Variants in GAL3ST2 observed in about 807,000 individuals in gnomAD.
The protein encoded by GAL3ST2 is galactose-3-O-sulfotransferase 2.
A neutral mutation model predicts 12.9 loss-of-function variants in GAL3ST2; 16 were observed. That is an observed-to-expected ratio of 1.24 (90% CI 0.84 to 1.88). The LOEUF is 1.88. Ranked by LOEUF, GAL3ST2 falls within the 40% of genes most tolerant of loss-of-function variation. The pLI, the probability that GAL3ST2 is intolerant of heterozygous loss-of-function variation, is 0.00. For missense variants in GAL3ST2, 639 were observed against 571.8 expected (o/e 1.12, Z -1.20); for synonymous variants, 302 against 273.9 (o/e 1.10, Z -1.01).
Position 241,803,598 on chromosome 2 carries a change from T to TGC in GAL3ST2, c.638_639dup (p.Ile214AlafsTer158). 6.4e-7 allele frequency: 1 copy of TGC among 1,573,840 alleles called. No homozygotes were observed. The highest frequency in any genetic ancestry group is 2.3e-5 in the East Asian group (1 of 42,846). On this transcript the variant is annotated frameshift_variant, in exon 4 of 4. Transcript: ENST00000192314. LOFTEE classifies it low-confidence loss of function (END_TRUNC). Reference sequence around the variant, plus strand: ...AACGCGCAGTGCGAGGAGGGCTACGTGCGCGCGCGCATCGCCGAGGTGGAG... The same window carrying TGC: ...AACGCGCAGTGCGAGGAGGGCTACGTGCGCGCGCGCGCATCGCCGAGGTGGAG...
chr2:241,797,524 G>A (rs575298042), intron 1 of GAL3ST2, among the ~76,000 whole-genome samples: 11 of 152,190 alleles, frequency 7.2e-5, no homozygotes, highest in East Asian at 3.9e-4. Flanking sequence ...CCGGGCCAGC[G>A]TGTGGGAGTG....
Position 241,793,326 on chromosome 2 carries a change from G to C in GAL3ST2, c.30-5739G>C, listed in dbSNP as rs943216135. On this transcript the variant is annotated intron_variant, in intron 1 of 3. Coordinates refer to ENST00000192314, the MANE Select transcript of GAL3ST2 (RefSeq NM_022134.3). The surrounding 1 kb of genome is among the most constrained non-coding windows in gnomAD (Gnocchi z 4.7). ...GGGGGATGTGTGTGTCCGTGTGTGT[G>C]TATGTGTATGTATCTGTATGTATGT... Among the ~76,000 whole-genome samples the C allele has an allele frequency of 6.6e-6, 1 of 151,906 alleles. No homozygotes were observed. Among genetic ancestry groups the C allele is most frequent in the Admixed American group, 6.6e-5 (1 of 15,130 alleles).
chr2:241,779,986 C>CA (rs375396600), intron 1 of GAL3ST2, among the ~76,000 whole-genome samples: 7,384 of 122,806 alleles, frequency 0.06, 218 homozygotes, highest in African/African-American at 0.083. Context: ...AATCCCGTCT[C>CA]AAAAAAAAAA....
intron 1 of GAL3ST2, among the ~76,000 whole-genome samples, chr2:241,787,896 C>T (rs1412503982): frequency 2.0e-5 from 3 of 152,048 alleles, no homozygotes; most frequent in East Asian, 1.9e-4. Flanking sequence ...TGGTCAAATC[C>T]GAGTGAGAAT....
At chr2:241,799,557 C>T (rs1302815916) in intron 2 of GAL3ST2, among the ~76,000 whole-genome samples, 6 of 152,226 alleles carry the variant, frequency 3.9e-5, no homozygotes, top group African/African-American at 1.2e-4. Flanking sequence ...GGGACCCTCT[C>T]CCCTGCCTGC....
At position 241,803,363 on chromosome 2, in the gene GAL3ST2, A is replaced by C. The variant is rs1699881474; in HGVS notation, c.394A>C (p.Asn132His). The change falls in exon 4 of 4, where the codon AAC becomes CAC. Residue 132 changes from asparagine (N) to histidine (H), a missense_variant. By Grantham distance (68) the Asn-to-His change is moderately conservative. Transcript: ENST00000192314. ...NLPQVQKVMP[N>H]DTFYFSILRN... Reference sequence around the variant, plus strand: ...CACACAGGTGCAGAAAGTCATGCCCAACGACACCTTCTACTTCTCCATCCT... The same window carrying C: ...CACACAGGTGCAGAAAGTCATGCCCCACGACACCTTCTACTTCTCCATCCT... 6.2e-7 allele frequency: 1 copy of C among 1,602,818 alleles called. No individual in the cohort carries two copies. Among genetic ancestry groups the C allele is most frequent in the African/African-American group, 1.3e-5 (1 of 74,628 alleles).
intron 2 of GAL3ST2, 49 bp downstream of exon 2, chr2:241,799,203 C>A: frequency 6.6e-7 from 1 of 1,504,714 alleles, no homozygotes; most frequent in Non-Finnish European, 9.2e-7. Context: ...CTCCTAACAG[C>A]CCCGAGGACA....
At chr2:241,781,555 T>C (rs549446444) in intron 1 of GAL3ST2, among the ~76,000 whole-genome samples, 1 of 152,148 alleles carries the variant, frequency 6.6e-6, no homozygotes, top group South Asian at 2.1e-4. Context: ...ATTTGTTACC[T>C]TTGTGGCACA....
intron 1 of GAL3ST2, among the ~76,000 whole-genome samples, chr2:241,783,032 C>G (rs868750841): frequency 6.6e-6 from 1 of 151,610 alleles, no homozygotes; most frequent in East Asian, 1.9e-4. Flanking sequence ...CTAGCTACTT[C>G]GAGGCTGAGG....
In GAL3ST2 at chr2:241,793,627, TTG is replaced by T. The variant is rs139524350; in HGVS notation, c.30-5434_30-5433del. 0.44 allele frequency among the ~76,000 whole-genome samples: 67,155 copies of T among 151,366 alleles called. 17,624 individuals carry two copies. Among genetic ancestry groups the T allele is most frequent in the African/African-American group, 0.75 (30,623 of 41,080 alleles). On this transcript the variant is annotated intron_variant, in intron 1 of 3. Transcript: ENST00000192314. The surrounding 1 kb of genome is among the most constrained non-coding windows in gnomAD (Gnocchi z 4.7). ...TGTGTGTGTATTGTGTGTGTACATA[TTG>T]TGTTTGTGTGTACATATTGTGTATG... is the stretch of plus-strand genomic sequence containing the variant.
At position 241,802,042 on chromosome 2, in the gene GAL3ST2, G is replaced by A. The variant is rs755871610; in HGVS notation, c.375+6G>A. On this transcript the variant is annotated splice_donor_region_variant and intron_variant, in intron 3 of 3. Transcript: ENST00000192314. This position sits in a 1 kb window ranked among gnomAD's most constrained non-coding sequence, Gnocchi z 4.8. ...TGAGGTTCAACCTGCCTCAGGTACC[G>A]CGGGCCTGCTGGGGAGGAGGGCGGG... 15 of 1,605,058 alleles carry A rather than the reference G, an allele frequency of 9.3e-6. No individual in the cohort carries two copies. The highest frequency in any genetic ancestry group is 1.7e-5 in the Admixed American group (1 of 58,852).
intron 1 of GAL3ST2, among the ~76,000 whole-genome samples, chr2:241,778,325 A>G (rs550370481): frequency 6.6e-6 from 1 of 152,350 alleles, no homozygotes; most frequent in Admixed American, 6.5e-5. Context: ...GGGTGATTCA[A>G]GGAGCTGCCC....
chr2:241,799,232 T>G, intron 2 of GAL3ST2, 78 bp downstream of exon 2: 2 of 1,252,708 alleles, frequency 1.6e-6, no homozygotes, highest in African/African-American at 3.0e-5. Context: ...GACCCCAGCA[T>G]GATCACGCCC....
chr2:241,799,300 G>C (rs532734927), intron 2 of GAL3ST2, 146 bp downstream of exon 2: 1 of 752,158 alleles, frequency 1.3e-6, no homozygotes, highest in South Asian at 1.6e-5. Context: ...TCCTTGGGGG[G>C]ACCCTGAGAG....
chr2:241,799,949 C>T (rs573188749), intron 2 of GAL3ST2, among the ~76,000 whole-genome samples: 1 of 152,320 alleles, frequency 6.6e-6, no homozygotes, highest in African/African-American at 2.4e-5. Flanking sequence ...TACATCTGGC[C>T]GCTGGTCTCG....
In GAL3ST2 at chr2:241,803,458, C is replaced by A; in HGVS notation, c.489C>A (p.Gly163=). Residue 163 remains glycine, a synonymous_variant, in exon 4 of 4, where the codon GGC becomes GGA. Coordinates refer to ENST00000192314, the MANE Select transcript of GAL3ST2 (RefSeq NM_022134.3). ...AAACCTACGCCCCCGCCTTCCGGGG[C>A]GCCCCGAGCCTGGACGCGTTCCTGG... The part of the protein sequence containing the change: ...YYKTYAPAFR[G]APSLDAFLAS... 1 of 1,611,768 alleles carries A rather than the reference C, an allele frequency of 6.2e-7. No individual in the cohort carries two copies. The highest frequency in any genetic ancestry group is 8.5e-7 in the Non-Finnish European group (1 of 1,179,388).
At chr2:241,779,768 C>T (rs1310248487) in intron 1 of GAL3ST2, among the ~76,000 whole-genome samples, 2 of 150,374 alleles carry the variant, frequency 1.3e-5, no homozygotes, top group Admixed American at 1.3e-4. Flanking sequence ...GGCGGATCAC[C>T]TGAGATCAGG....
At chr2:241,780,941 A>G (rs2125188961) in intron 1 of GAL3ST2, among the ~76,000 whole-genome samples, 1 of 152,350 alleles carries the variant, frequency 6.6e-6, no homozygotes, top group African/African-American at 2.4e-5. Context: ...TTGGGTCCGT[A>G]AGTCAAGTTT....
rs770375719 is a variant in GAL3ST2 at position 241,799,078 on chromosome 2, A to ATCCTCC, written c.54_59dup (p.Leu19_Leu20dup). 2 of 1,612,354 alleles carry ATCCTCC rather than the reference A, an allele frequency of 1.2e-6. No homozygotes were observed. Among genetic ancestry groups the ATCCTCC allele is most frequent in the Admixed American group, 1.7e-5 (1 of 59,994 alleles). On this transcript the variant is annotated inframe_insertion, in exon 2 of 4. Coordinates refer to ENST00000192314, the MANE Select transcript of GAL3ST2 (RefSeq NM_022134.3). ...CCCTTTCCACAGATACTTCCGGGTC[A>ATCCTCC]TCCTCCTCCTCCTCCTGGCCCTGAC...
Sources: allele counts gnomAD v4.1 joint callset (sites outside exome capture counted in the v4.1 genomes callset), GRCh38; gene constraint gnomAD v4.1.1; non-coding constraint Gnocchi (gnomAD v3.1); transcripts MANE v1.5; gene names NCBI Gene and HGNC (gene_info 2026-07-23, HGNC 2026-07-21).